TIAM1: variants seen among roughly 807,000 people sequenced by gnomAD.
The protein encoded by TIAM1 is TIAM Rac1 associated GEF 1.
A neutral mutation model predicts 163.5 loss-of-function variants in TIAM1; 65 were observed. The ratio of observed to expected loss-of-function variants is 0.40; its 90% CI spans 0.33 to 0.49. The LOEUF is 0.49. Among genes scored for constraint, TIAM1 ranks in the 20% least tolerant of loss-of-function variants. The pLI, the probability that TIAM1 is intolerant of heterozygous loss-of-function variation, is 0.77. For synonymous variants in TIAM1, 833 were observed against 810.1 expected (o/e 1.03, Z -0.48); for missense variants, 1,789 against 2,044.7 (o/e 0.87, Z 2.41).
At chr21:31,138,622 G>A (rs1452282060) in intron 22 of TIAM1, among the ~76,000 whole-genome samples, 2 of 152,320 alleles carry the variant, frequency 1.3e-5, no homozygotes, top group Admixed American at 1.3e-4. Context: ...GCTGAGAGCA[G>A]TGGAACAGAA....
In TIAM1 at chr21:31,120,631, G is replaced by A. The variant is rs764808665; in HGVS notation, c.4513C>T (p.Leu1505Phe). The change falls in exon 28 of 28, where the codon CTC becomes TTC. Residue 1505 changes from leucine to phenylalanine, a missense_variant. Leu to Phe is a conservative substitution (Grantham distance 22). Transcript: ENST00000541036. The surrounding 1 kb of genome is among the most constrained non-coding windows in gnomAD (Gnocchi z 4.2). Reference sequence around the variant, plus strand: ...TCACAGAACTCATCATCGTCACTGAGGATGTCTGTCTCCTTGATGTCATCT... The same window carrying A: ...TCACAGAACTCATCATCGTCACTGAAGATGTCTGTCTCCTTGATGTCATCT... ...EQDDIKETDI[L>F]SDDDEFCESV... The A allele has an allele frequency of 6.2e-7, 1 of 1,614,134 alleles. No homozygotes were observed. The highest frequency in any genetic ancestry group is 8.5e-7 in the Non-Finnish European group (1 of 1,180,030).
At chr21:31,127,770 A>C (rs1392724273) in intron 25 of TIAM1, among the ~76,000 whole-genome samples, 2 of 152,198 alleles carry the variant, frequency 1.3e-5, no homozygotes, top group African/African-American at 2.4e-5. Context: ...CATTTCAATT[A>C]AATGATTAAT....
At chr21:31,135,457 A>AC (rs1172231512) in intron 23 of TIAM1, among the ~76,000 whole-genome samples, 1 of 152,194 alleles carries the variant, frequency 6.6e-6, no homozygotes, top group African/African-American at 2.4e-5. Context: ...CAGAGTTGCC[A>AC]CAACAGCTCA....
chr21:31,180,718 A>C (rs1026619347), intron 15 of TIAM1, among the ~76,000 whole-genome samples: 6 of 152,248 alleles, frequency 3.9e-5, no homozygotes, highest in African/African-American at 1.2e-4. Context: ...GTTTTATGGG[A>C]TCGATCCTGC....
At chr21:31,378,739 C>A (rs930422671) in intron 2 of TIAM1, among the ~76,000 whole-genome samples, 4 of 152,124 alleles carry the variant, frequency 2.6e-5, no homozygotes, top group Admixed American at 2.6e-4. Context: ...TGGGTTCCAC[C>A]AACTGCAGAT....
intron 1 of TIAM1, among the ~76,000 whole-genome samples, chr21:31,512,794 T>C (rs1209624667): frequency 6.6e-6 from 1 of 151,524 alleles, no homozygotes; most frequent in Admixed American, 6.6e-5. Context: ...GGTGTTTTTT[T>C]GTTTGTTTGT....
At chr21:31,488,861 T>C (rs1011608682) in intron 1 of TIAM1, among the ~76,000 whole-genome samples, 3 of 151,754 alleles carry the variant, frequency 2.0e-5, no homozygotes, top group Non-Finnish European at 4.4e-5. Context: ...AACATAGATA[T>C]ATAAGAGAAA....
intron 22 of TIAM1, among the ~76,000 whole-genome samples, chr21:31,136,389 G>A (rs2082622181): frequency 6.6e-6 from 1 of 151,964 alleles, no homozygotes; most frequent in Admixed American, 6.5e-5. Flanking sequence ...CATCAAAACA[G>A]GCTGAAGATA....
Position 31,210,175 on chromosome 21 carries a change from T to C in TIAM1, c.2258A>G (p.Asn753Ser). Residue 753 changes from asparagine to serine, a missense_variant, in exon 11 of 28, where the codon AAC becomes AGC. Asn to Ser is a conservative substitution (Grantham distance 46). Around this residue, in one of 5 missense-constraint regions of TIAM1, gnomAD observed 456 missense variants for 586.6 expected, o/e 0.78. Coordinates refer to ENST00000541036, the MANE Select transcript of TIAM1 (RefSeq NM_001353694.2). The part of the protein sequence containing the change: ...EVVLPNVHQH[N>S]PDCDIWVHEY... ...GTGGACCCAAATGTCGCAGTCAGGGTTGTGCTGGTGAACGTTAGGTAAGAC... is the reference window on the plus strand; with the variant it reads ...GTGGACCCAAATGTCGCAGTCAGGGCTGTGCTGGTGAACGTTAGGTAAGAC... 1.9e-6 allele frequency: 3 copies of C among 1,613,946 alleles called. No homozygotes were observed. Among genetic ancestry groups the C allele is most frequent in the Non-Finnish European group, 2.5e-6 (3 of 1,180,000 alleles).
At chr21:31,499,443 G>A (rs1376400763) in intron 1 of TIAM1, among the ~76,000 whole-genome samples, 3 of 151,940 alleles carry the variant, frequency 2.0e-5, no homozygotes, top group African/African-American at 7.3e-5. Context: ...CGCTGCACGG[G>A]GGCATGAGGA....
rs551147949 is a variant in TIAM1 at position 31,159,044 on chromosome 21, T to TC, written c.2992-4619dup. ...GGATGTGGGACAAGCAGCTTAGGAC[T>TC]CCAGCAAGGGGAAGGCAGACCAGGT... is the stretch of plus-strand genomic sequence containing the variant. On this transcript the variant is annotated intron_variant, in intron 16 of 27. Coordinates refer to ENST00000541036, the MANE Select transcript of TIAM1 (RefSeq NM_001353694.2). 2.7e-3 allele frequency among the ~76,000 whole-genome samples: 410 copies of TC among 152,198 alleles called. 1 individual carries two copies. Among genetic ancestry groups the TC allele is most frequent in the African/African-American group, 8.8e-3 (366 of 41,530 alleles).
At chr21:31,304,574 T>G (rs2074623357) in intron 2 of TIAM1, among the ~76,000 whole-genome samples, 1 of 152,224 alleles carries the variant, frequency 6.6e-6, no homozygotes, top group African/African-American at 2.4e-5. Context: ...TGGTTAAGAT[T>G]CTTTTTAAAA....
chr21:31,130,348 G>A, intron 24 of TIAM1, 33 bp from the exon 25 acceptor site: 6 of 1,549,574 alleles, frequency 3.9e-6, no homozygotes, highest in Non-Finnish European at 5.4e-6. Flanking sequence ...TGCATAAGAA[G>A]AATCTAACCT....
intron 1 of TIAM1, among the ~76,000 whole-genome samples, chr21:31,489,572 C>A (rs1345232909): frequency 1.6e-4 from 1 of 6,156 alleles, no homozygotes; most frequent in East Asian, 9.3e-3. Flanking sequence ...AAAGTGCAGA[C>A]CCCCCCCCCC....
chr21:31,192,670 A>T (rs2085620976), intron 13 of TIAM1, among the ~76,000 whole-genome samples: 1 of 151,868 alleles, frequency 6.6e-6, no homozygotes, highest in Non-Finnish European at 1.5e-5. Flanking sequence ...CGAGCATATG[A>T]GGTAGTCTTT....
intron 2 of TIAM1, among the ~76,000 whole-genome samples, chr21:31,458,781 C>A (rs2045211908): frequency 6.6e-6 from 1 of 152,104 alleles, no homozygotes; most frequent in Admixed American, 6.6e-5. Context: ...GGGGAGAGGG[C>A]TGCTACTTCA....
At chr21:31,321,420 T>C (rs1415375139) in intron 2 of TIAM1, among the ~76,000 whole-genome samples, 1 of 152,148 alleles carries the variant, frequency 6.6e-6, no homozygotes, top group Non-Finnish European at 1.5e-5. Flanking sequence ...TGGCGCGATC[T>C]TGGCTCACTG....
At chr21:31,278,999 C>T (rs570175391) in intron 2 of TIAM1, among the ~76,000 whole-genome samples, 3 of 152,240 alleles carry the variant, frequency 2.0e-5, no homozygotes, top group East Asian at 3.9e-4. Context: ...GGCCGGCAGG[C>T]GGCTGTCCTT....
intron 1 of TIAM1, among the ~76,000 whole-genome samples, chr21:31,523,125 T>C (rs901109350): frequency 1.3e-5 from 2 of 152,228 alleles, no homozygotes; most frequent in African/African-American, 4.8e-5. Context: ...TTACAAAAGA[T>C]ACCTGCAAAG....
Sources: gnomAD v4.1 joint callset for allele counts (sites outside exome capture counted in the v4.1 genomes callset) on GRCh38, gnomAD v4.1.1 for gene constraint, gnomAD v4.1.1 regional missense constraint, Gnocchi (gnomAD v3.1) non-coding constraint, MANE v1.5 for transcripts, NCBI Gene and HGNC (gene_info 2026-07-23, HGNC 2026-07-21) for gene names.